The following BACH2 variants were observed in gnomAD, a reference collection of about 807,000 sequenced individuals.
The protein encoded by BACH2 is BACH transcriptional regulator 2, also known as transcription regulator protein BACH2.
Under a neutral mutation model 61.8 loss-of-function variants are expected in BACH2, and 5 were observed. The ratio of observed to expected loss-of-function variants is 0.08; its 90% CI spans 0.04 to 0.17. The LOEUF is 0.17. BACH2 is among the 10% of genes least tolerant of loss of function. The pLI is 1.00. For missense variants in BACH2, 824 were observed against 1,091.1 expected, an observed-to-expected ratio of 0.76 and a Z score of 3.45; for synonymous variants, 446 against 440.1, an observed-to-expected ratio of 1.01 and a Z score of -0.17.
At chr6:90,253,808 C>T (rs930930330) in intron 2 of BACH2, among the ~76,000 whole-genome samples, 1 of 152,162 alleles carries the variant, frequency 6.6e-6, no homozygotes, top group Non-Finnish European at 1.5e-5. Context: ...AAGTTGGTTA[C>T]ACAGAGGCCT....
intron 8 of BACH2, among the ~76,000 whole-genome samples, chr6:89,935,973 A>C (rs1301221312): frequency 1.9e-4 from 29 of 152,242 alleles, no homozygotes. Context: ...TTTGTTGTTT[A>C]ACGACATTAA....
chr6:90,174,076 T>C (rs1168029152), intron 4 of BACH2, among the ~76,000 whole-genome samples: 2 of 152,110 alleles, frequency 1.3e-5, no homozygotes, highest in African/African-American at 2.4e-5. Context: ...ATGTTCCTAA[T>C]AATGTATCTT....
chr6:90,185,081 G>GT (rs1235978072), intron 4 of BACH2, among the ~76,000 whole-genome samples: 2 of 152,178 alleles, frequency 1.3e-5, no homozygotes, highest in Non-Finnish European at 2.9e-5. Context: ...GCGTGGCTGC[G>GT]TATCAGGAAG....
intron 3 of BACH2, among the ~76,000 whole-genome samples, chr6:90,211,968 G>T (rs374477106): frequency 3.1e-4 from 47 of 152,334 alleles, no homozygotes; most frequent in African/African-American, 1.1e-3. Flanking sequence ...GAGGGCCTAT[G>T]CCAGGCCCAA....
At chr6:90,108,832 G>A (rs1382629511) in intron 4 of BACH2, among the ~76,000 whole-genome samples, 1 of 152,048 alleles carries the variant, frequency 6.6e-6, no homozygotes, top group Non-Finnish European at 1.5e-5. Context: ...CCTTTTTATT[G>A]AGGACAGAGG....
chr6:90,030,937 T>C (rs967364047), intron 5 of BACH2, among the ~76,000 whole-genome samples: 1 of 137,510 alleles, frequency 7.3e-6, no homozygotes, highest in Non-Finnish European at 1.5e-5. Flanking sequence ...TTGATGAACA[T>C]TGATGCAAAA....
At chr6:89,972,847 T>C (rs1233218675) in intron 6 of BACH2, among the ~76,000 whole-genome samples, 1 of 152,130 alleles carries the variant, frequency 6.6e-6, no homozygotes, top group Non-Finnish European at 1.5e-5. Context: ...TCCCAGCACC[T>C]TGGCAGGGTG....
intron 6 of BACH2, among the ~76,000 whole-genome samples, chr6:89,991,778 C>T (rs141199079): frequency 2.0e-5 from 3 of 151,854 alleles, no homozygotes; most frequent in Admixed American, 2.0e-4. Context: ...TCATTAGTCT[C>T]TTTTAATCTA....
At chr6:90,222,113 T>C (rs1374410444) in intron 3 of BACH2, among the ~76,000 whole-genome samples, 2 of 152,228 alleles carry the variant, frequency 1.3e-5, no homozygotes, top group African/African-American at 4.8e-5. Flanking sequence ...TTGTTCATAC[T>C]GAGTCTTTGA....
chr6:90,034,551 C>T (rs1333192592), intron 5 of BACH2, among the ~76,000 whole-genome samples: 1 of 152,136 alleles, frequency 6.6e-6, no homozygotes, highest in Non-Finnish European at 1.5e-5. Context: ...ATACATTATT[C>T]TTCTGAGTTG....
At chr6:90,280,396 T>C (rs1013238694) in intron 1 of BACH2, among the ~76,000 whole-genome samples, 2 of 152,212 alleles carry the variant, frequency 1.3e-5, no homozygotes, top group South Asian at 2.1e-4. Context: ...CGGGGGAAAC[T>C]GGACAAATCC....
intron 3 of BACH2, among the ~76,000 whole-genome samples, chr6:90,207,328 A>G (rs1422029216): frequency 1.3e-5 from 2 of 152,162 alleles, no homozygotes; most frequent in African/African-American, 4.8e-5. Flanking sequence ...CATGTTGCCC[A>G]AGCTGGTCTC....
At chr6:89,954,449 CT>C (rs1423996253) in intron 6 of BACH2, among the ~76,000 whole-genome samples, 1 of 93,968 alleles carries the variant, frequency 1.1e-5, no homozygotes, top group Non-Finnish European at 2.0e-5. Flanking sequence ...TCCCTCCCCC[CT>C]CCCCCCACCC....
At chr6:90,116,708 A>G in intron 4 of BACH2, 1 of 382,888 alleles carries the variant, frequency 2.6e-6, no homozygotes, top group Non-Finnish European at 5.0e-6. Context: ...TATGGGGAAG[A>G]CCAGGTCCAC....
intron 2 of BACH2, among the ~76,000 whole-genome samples, chr6:90,260,810 T>C (rs1390049275): frequency 6.6e-6 from 1 of 152,150 alleles, no homozygotes; most frequent in Non-Finnish European, 1.5e-5. Flanking sequence ...ACCACACCTA[T>C]GGACATGGAG....
At chr6:90,074,376 C>T (rs777051559) in intron 5 of BACH2, among the ~76,000 whole-genome samples, 24 of 152,144 alleles carry the variant, frequency 1.6e-4, no homozygotes, top group Non-Finnish European at 2.9e-4. Context: ...TTCCCCTCAA[C>T]AAGCCAGAAC....
chr6:89,959,437 A>G (rs1162420126), intron 6 of BACH2, among the ~76,000 whole-genome samples: 3 of 152,202 alleles, frequency 2.0e-5, no homozygotes, highest in African/African-American at 7.2e-5. Context: ...ACCCTACCAT[A>G]ACCCACATTT....
chr6:90,275,582 G>C (rs1276886166), intron 1 of BACH2, among the ~76,000 whole-genome samples: 2 of 151,484 alleles, frequency 1.3e-5, no homozygotes, highest in Admixed American at 6.6e-5. Context: ...TTGTCGTACA[G>C]ATTATTTTGT....
intron 4 of BACH2, among the ~76,000 whole-genome samples, chr6:90,189,886 T>C (rs559136168): frequency 2.6e-5 from 4 of 152,258 alleles, no homozygotes; most frequent in East Asian, 1.9e-4. Flanking sequence ...GAACCAAAGA[T>C]ATATCATCTC....
Sources: gnomAD v4.1 joint callset for allele counts (sites outside exome capture counted in the v4.1 genomes callset) on GRCh38, gnomAD v4.1.1 for gene constraint, MANE v1.5 for transcripts, NCBI Gene and HGNC (gene_info 2026-07-23, HGNC 2026-07-21) for gene names.